The following NELL2 variants were observed in gnomAD, a reference collection of about 807,000 sequenced individuals.
NELL2 encodes neural EGFL like 2.
NELL2 carries 41 observed loss-of-function variants against 109.6 expected under a neutral mutation model. The ratio of observed to expected loss-of-function variants is 0.37; its 90% CI spans 0.29 to 0.49. NELL2 has a LOEUF of 0.49. Among genes scored for constraint, NELL2 ranks in the 20% least tolerant of loss-of-function variants. NELL2 has a pLI of 0.98. For synonymous variants in NELL2, 355 were observed against 344.7 expected, an observed-to-expected ratio of 1.03 and a Z score of -0.33; for missense variants, 900 against 1,008.3, an observed-to-expected ratio of 0.89 and a Z score of 1.45.
intron 3 of NELL2, among the ~76,000 whole-genome samples, chr12:44,780,818 C>T (rs1341273626): frequency 6.6e-6 from 1 of 152,078 alleles, no homozygotes; most frequent in Admixed American, 6.6e-5. Flanking sequence ...AAAGAAGCTT[C>T]CCCCTCAACT....
chr12:44,797,477 C>T (rs936104641), intron 3 of NELL2, among the ~76,000 whole-genome samples: 16 of 152,064 alleles, frequency 1.1e-4, no homozygotes, highest in African/African-American at 3.4e-4. Flanking sequence ...TCATGGGCTT[C>T]GTTAAGTATT....
chr12:44,633,558 G>C (rs1946530024), intron 13 of NELL2, among the ~76,000 whole-genome samples: 1 of 152,094 alleles, frequency 6.6e-6, no homozygotes. Flanking sequence ...CAAGTCTTTT[G>C]CTTTGAGTTC....
In NELL2 at chr12:44,517,571, C is replaced by T. The variant is rs1183265632; in HGVS notation, c.2400+2434G>A. Among the ~76,000 whole-genome samples, 5 of 152,078 alleles carry T rather than the reference C, an allele frequency of 3.3e-5. No homozygotes were observed. The East Asian group carries it at 9.6e-4, about 29-fold the overall frequency. ...TTCTTTATAGCAATGCAAGAATGGC[C>T]TTACACAGTGTGCTATCTAATATGA... On this transcript the variant is annotated intron_variant, in intron 19 of 19. Transcript: ENST00000429094.
intron 1 of NELL2, among the ~76,000 whole-genome samples, chr12:44,911,476 T>C (rs1945779394): frequency 6.6e-6 from 1 of 152,020 alleles, no homozygotes; most frequent in Admixed American, 6.6e-5. Context: ...TTATAATCTT[T>C]CAAAAGATAA....
rs147606975 is a variant in NELL2 at position 44,791,415 on chromosome 12, G to C, written c.336-11393C>G. 4.0e-5 allele frequency among the ~76,000 whole-genome samples: 6 copies of C among 150,426 alleles called. No individual in the cohort carries two copies. In the East Asian group the frequency reaches 7.9e-4, roughly 20 times the overall value. ...GCATAAGAATAATACAATGGACTTTGGGAACTTGGGGGGAAGCCTAGGAGG... is the reference window on the plus strand; with the variant it reads ...GCATAAGAATAATACAATGGACTTTCGGAACTTGGGGGGAAGCCTAGGAGG... On this transcript the variant is annotated intron_variant, in intron 3 of 19. Transcript: ENST00000429094.
At chr12:44,684,342 AT>A (rs1164610712) in intron 12 of NELL2, among the ~76,000 whole-genome samples, 1 of 151,958 alleles carries the variant, frequency 6.6e-6, no homozygotes, top group East Asian at 1.9e-4. Context: ...TGGTCTATCA[AT>A]TTTGTTGATC....
chr12:44,858,373 A>T (rs534844197), intron 2 of NELL2, among the ~76,000 whole-genome samples: 3 of 152,168 alleles, frequency 2.0e-5, no homozygotes, highest in African/African-American at 7.2e-5. Flanking sequence ...TTCATTCCAT[A>T]TATTTCCTTT....
chr12:44,714,803 G>A, intron 9 of NELL2, 62 bp from the exon 10 acceptor site: 1 of 1,067,346 alleles, frequency 9.4e-7, no homozygotes, highest in Non-Finnish European at 1.4e-6. Flanking sequence ...GAAGGGATCA[G>A]ATCATCTTGT....
At chr12:44,637,965 G>A (rs1946707541) in intron 13 of NELL2, among the ~76,000 whole-genome samples, 1 of 151,872 alleles carries the variant, frequency 6.6e-6, no homozygotes, top group African/African-American at 2.4e-5. Context: ...TGACCTTTTG[G>A]TAACAGTATG....
intron 2 of NELL2, among the ~76,000 whole-genome samples, chr12:44,829,407 A>T (rs969797298): frequency 6.6e-6 from 1 of 152,180 alleles, no homozygotes; most frequent in African/African-American, 2.4e-5. Context: ...CCAAAATGTT[A>T]TATCAAATTG....
Position 44,520,060 on chromosome 12 carries a change from A to G in NELL2, c.2345T>C (p.Phe782Ser). The change falls in exon 19 of 20, where the codon TTC becomes TCC. Residue 782 changes from phenylalanine to serine, a missense_variant. Coordinates refer to ENST00000429094, the MANE Select transcript of NELL2 (RefSeq NM_001145108.2). ...ATGTTTGATCCAAGAGGACCCGGTGAAGCGAACCACATTCATTTCGTCCAG... is the reference window on the plus strand; with the variant it reads ...ATGTTTGATCCAAGAGGACCCGGTGGAGCGAACCACATTCATTTCGTCCAG... ...TCLDEMNVVR[F>S]TGSSWIKHGT... The G allele has an allele frequency of 1.9e-6, 3 of 1,614,178 alleles. No individual in the cohort carries two copies. Among genetic ancestry groups the G allele is most frequent in the South Asian group, 2.2e-5 (2 of 91,082 alleles).
chr12:44,797,540 A>G (rs1942666710), intron 3 of NELL2, among the ~76,000 whole-genome samples: 1 of 152,076 alleles, frequency 6.6e-6, no homozygotes, highest in Non-Finnish European at 1.5e-5. Flanking sequence ...GGCTAGTTGC[A>G]AAAGACCTGA....
chr12:44,813,016 T>A (rs1001997164), intron 3 of NELL2, among the ~76,000 whole-genome samples: 1 of 152,192 alleles, frequency 6.6e-6, no homozygotes, highest in Non-Finnish European at 1.5e-5. Context: ...GCTGATCTTG[T>A]ATGATTATGA....
At chr12:44,908,971 G>T (rs575082078) in intron 1 of NELL2, among the ~76,000 whole-genome samples, 1 of 151,896 alleles carries the variant, frequency 6.6e-6, no homozygotes, top group Admixed American at 6.6e-5. Context: ...AAAAATACCT[G>T]TCACAGAACA....
chr12:44,697,480 T>C (rs1807612357), intron 12 of NELL2, among the ~76,000 whole-genome samples: 2 of 152,116 alleles, frequency 1.3e-5, no homozygotes, highest in South Asian at 4.1e-4. Context: ...ATGTGCAAAC[T>C]CCACACAGAC....
chr12:44,850,995 G>C (rs12823552), intron 2 of NELL2, among the ~76,000 whole-genome samples: 29,868 of 152,064 alleles, frequency 0.2, 3,510 homozygotes, highest in South Asian at 0.39. Flanking sequence ...GGGAGTCCAA[G>C]ATTCTCTTAC....
At chr12:44,828,341 G>A (rs567186740) in intron 2 of NELL2, among the ~76,000 whole-genome samples, 1 of 152,028 alleles carries the variant, frequency 6.6e-6, no homozygotes, top group Non-Finnish European at 1.5e-5. Context: ...GTTTAGGAGA[G>A]AACAAAAACA....
At chr12:44,730,971 A>G (rs573165488) in intron 9 of NELL2, among the ~76,000 whole-genome samples, 11 of 152,106 alleles carry the variant, frequency 7.2e-5, no homozygotes, top group Non-Finnish European at 1.3e-4. Flanking sequence ...TAAAAAGATC[A>G]TAAGAGACTA....
chr12:44,610,122 T>C (rs888854213), intron 14 of NELL2, among the ~76,000 whole-genome samples: 2 of 151,478 alleles, frequency 1.3e-5, no homozygotes, highest in Non-Finnish European at 2.9e-5. Context: ...ATGGGACATT[T>C]AAAAGAATGA....
Sources: allele counts gnomAD v4.1 joint callset (sites outside exome capture counted in the v4.1 genomes callset), GRCh38; gene constraint gnomAD v4.1.1; transcripts MANE v1.5; gene names NCBI Gene and HGNC (gene_info 2026-07-23, HGNC 2026-07-21).